The following DCC variants were observed in gnomAD, a reference collection of about 807,000 sequenced individuals.
DCC encodes the protein netrin receptor DCC.
DCC carries 58 observed loss-of-function variants against 172.5 expected under a neutral mutation model. The observed-to-expected ratio is 0.34, with a 90% CI of 0.27 to 0.42. The LOEUF (loss-of-function observed/expected upper bound fraction) is 0.42, where lower values mean the gene tolerates loss of function less well. Among genes scored for constraint, DCC ranks in the 10% least tolerant of loss-of-function variants. DCC has a pLI of 1.00. For missense variants in DCC, 1,740 were observed against 1,791.0 expected, an observed-to-expected ratio of 0.97 and a Z score of 0.51; for synonymous variants, 709 against 644.5, an observed-to-expected ratio of 1.10 and a Z score of -1.52.
At chr18:53,050,050 A>T (rs752885886) in intron 5 of DCC, among the ~76,000 whole-genome samples, 31 of 149,474 alleles carry the variant, frequency 2.1e-4, no homozygotes, top group Non-Finnish European at 3.7e-4. Context: ...TCAAGAGTGA[A>T]AAAGCTGAAA....
chr18:52,819,135 C>T (rs1244910770), intron 2 of DCC, among the ~76,000 whole-genome samples: 4 of 151,522 alleles, frequency 2.6e-5, no homozygotes, highest in African/African-American at 7.3e-5. Flanking sequence ...ATTAACAATA[C>T]AATCAAGTGC....
At chr18:53,340,429 T>C (rs1483506571) in intron 15 of DCC, among the ~76,000 whole-genome samples, 1 of 152,120 alleles carries the variant, frequency 6.6e-6, no homozygotes. Flanking sequence ...CAAAAGAAGA[T>C]GAAAGAAGGA....
At chr18:52,682,826 G>C (rs1354932160) in intron 1 of DCC, among the ~76,000 whole-genome samples, 2 of 152,102 alleles carry the variant, frequency 1.3e-5, no homozygotes, top group African/African-American at 4.8e-5. Flanking sequence ...CAAAATCTAA[G>C]GGAAGTGGGC....
chr18:53,235,339 C>G (rs2056185205), intron 12 of DCC, among the ~76,000 whole-genome samples: 3 of 152,156 alleles, frequency 2.0e-5, no homozygotes, highest in Admixed American at 2.0e-4. Flanking sequence ...TGCTGTCTCA[C>G]TTTAATGAAA....
intron 9 of DCC, among the ~76,000 whole-genome samples, chr18:53,198,645 C>T (rs1467040010): frequency 1.3e-5 from 2 of 152,030 alleles, no homozygotes; most frequent in African/African-American, 4.8e-5. Context: ...AATTACTGTT[C>T]CCAGTGCAAA....
At chr18:52,906,918 C>A (rs993225402) in intron 3 of DCC, among the ~76,000 whole-genome samples, 9 of 151,784 alleles carry the variant, frequency 5.9e-5, no homozygotes, top group African/African-American at 1.2e-4. Context: ...ACTATTTAGG[C>A]TCTGAGCATA....
At chr18:53,185,124 G>T (rs1356349320) in intron 9 of DCC, among the ~76,000 whole-genome samples, 2 of 152,164 alleles carry the variant, frequency 1.3e-5, no homozygotes, top group Admixed American at 1.3e-4. Context: ...GTCTCTGGAT[G>T]TAAAAAAATG....
chr18:53,356,866 G>A (rs1213941509), intron 15 of DCC, among the ~76,000 whole-genome samples: 1 of 151,996 alleles, frequency 6.6e-6, no homozygotes, highest in Admixed American at 6.6e-5. Flanking sequence ...TGCTAGGCTG[G>A]GCTCCTTCTG....
chr18:53,094,373 A>T (rs2043055055), intron 7 of DCC, among the ~76,000 whole-genome samples: 1 of 152,226 alleles, frequency 6.6e-6, no homozygotes, highest in African/African-American at 2.4e-5. Context: ...AAGGCATTAT[A>T]ACTAGAAGAT....
intron 23 of DCC, among the ~76,000 whole-genome samples, chr18:53,451,710 G>GGCTCT (rs2045415239): frequency 6.8e-6 from 1 of 147,342 alleles, no homozygotes; most frequent in African/African-American, 2.5e-5. Flanking sequence ...GCTCGCTCTT[G>GGCTCT]CTCTCTCTCT....
chr18:52,800,504 G>A (rs2037964459), intron 2 of DCC, among the ~76,000 whole-genome samples: 1 of 152,104 alleles, frequency 6.6e-6, no homozygotes, highest in African/African-American at 2.4e-5. Flanking sequence ...GGGTATATAG[G>A]TGAATATGAC....
chr18:52,403,390 CT>C (rs1435011949), intron 1 of DCC, among the ~76,000 whole-genome samples: 1 of 151,988 alleles, frequency 6.6e-6, no homozygotes, highest in Non-Finnish European at 1.5e-5. Flanking sequence ...TTCACTGCCC[CT>C]GTCATTCAGA....
At chr18:52,773,219 A>G (rs1395916077) in intron 2 of DCC, among the ~76,000 whole-genome samples, 1 of 152,230 alleles carries the variant, frequency 6.6e-6, no homozygotes, top group East Asian at 1.9e-4. Flanking sequence ...TTATTCTTTA[A>G]GTTGGTTAGA....
chr18:52,654,910 A>G (rs2035215774), intron 1 of DCC, among the ~76,000 whole-genome samples: 2 of 152,142 alleles, frequency 1.3e-5, no homozygotes, highest in Admixed American at 1.3e-4. Context: ...GCTTCACTCA[A>G]CTGCTTTTAT....
At chr18:52,883,740 G>C (rs959851788) in intron 2 of DCC, among the ~76,000 whole-genome samples, 1 of 151,772 alleles carries the variant, frequency 6.6e-6, no homozygotes, top group African/African-American at 2.4e-5. Flanking sequence ...GTAGTTTATA[G>C]ATTACAATTA....
At chr18:53,034,785 G>T (rs978648416) in intron 5 of DCC, among the ~76,000 whole-genome samples, 3 of 151,744 alleles carry the variant, frequency 2.0e-5, no homozygotes, top group Non-Finnish European at 4.4e-5. Flanking sequence ...TCTGGCATTG[G>T]TGTGCTCATC....
intron 1 of DCC, among the ~76,000 whole-genome samples, chr18:52,613,332 C>G (rs1437638074): frequency 1.3e-5 from 2 of 151,984 alleles, no homozygotes; most frequent in Admixed American, 1.3e-4. Context: ...CTCAGCTCAC[C>G]GCAAGCTCCG....
intron 5 of DCC, among the ~76,000 whole-genome samples, chr18:53,023,832 A>T (rs1308377804): frequency 6.6e-6 from 1 of 152,148 alleles, no homozygotes; most frequent in African/African-American, 2.4e-5. Context: ...CTGCTGTATG[A>T]TCTGCTTTCC....
intron 1 of DCC, among the ~76,000 whole-genome samples, chr18:52,588,664 C>T (rs927863123): frequency 6.6e-5 from 10 of 152,088 alleles, no homozygotes; most frequent in African/African-American, 2.4e-4. Flanking sequence ...GCTGAGACTT[C>T]AAGGACAGTT....
Sources: gnomAD v4.1 joint callset for allele counts (sites outside exome capture counted in the v4.1 genomes callset) on GRCh38, gnomAD v4.1.1 for gene constraint, MANE v1.5 for transcripts, NCBI Gene and HGNC (gene_info 2026-07-23, HGNC 2026-07-21) for gene names.